Variants in LCA5 observed in about 807,000 individuals in gnomAD.
LCA5 encodes lebercilin LCA5.
A neutral mutation model predicts 53.0 loss-of-function variants in LCA5; 37 were observed. The ratio of observed to expected loss-of-function variants is 0.70; its 90% confidence interval spans 0.54 to 0.92. The LOEUF is 0.92. Ranked by LOEUF, LCA5 falls within the 40% of genes least tolerant of loss-of-function variation. The probability of loss-of-function intolerance (pLI) is 0.00; values close to 1 mark genes in which losing one functional copy is unlikely to be tolerated. For missense variants in LCA5, 806 were observed against 790.5 expected (o/e 1.02, Z -0.23); for synonymous variants, 303 against 282.9 (o/e 1.07, Z -0.71).
At chr6:79,534,186 G>C (rs920734516) in intron 1 of LCA5, among the ~76,000 whole-genome samples, 6 of 151,018 alleles carry the variant, frequency 4.0e-5, no homozygotes, top group African/African-American at 1.5e-4. Context: ...ACATAATCTT[G>C]CTTAAAAATC....
At chr6:79,501,674 T>C (rs1770142975) in intron 3 of LCA5, among the ~76,000 whole-genome samples, 1 of 150,856 alleles carries the variant, frequency 6.6e-6, no homozygotes, top group African/African-American at 2.4e-5. Flanking sequence ...ATATACTATA[T>C]TGTATATAGT....
chr6:79,502,153 TCTC>T (rs1189928897), intron 3 of LCA5, among the ~76,000 whole-genome samples: 4 of 152,114 alleles, frequency 2.6e-5, no homozygotes, highest in East Asian at 1.9e-4. Context: ...CTTTCTCACT[TCTC>T]CTAGTCTTCC....
chr6:79,490,463 T>C (rs951381123), intron 6 of LCA5, among the ~76,000 whole-genome samples: 2 of 152,156 alleles, frequency 1.3e-5, no homozygotes, highest in African/African-American at 2.4e-5. Flanking sequence ...TATACTCTTA[T>C]ACTCTTTTCA....
rs539465127 is a variant in LCA5, at chr6:79,521,411, T to C, written c.-191-2326A>G. ...TTGACTTTATATTCCTAGTGAGACA[T>C]AATGACCAAAAAAAATTTTTAAAGC... On this transcript the variant is annotated intron_variant, in intron 1 of 7. Transcript: ENST00000369846. Among the ~76,000 whole-genome samples the C allele has an allele frequency of 3.9e-5, 6 of 152,292 alleles. No individual in the cohort carries two copies. In the East Asian group the frequency reaches 5.8e-4, roughly 15 times the overall value.
Position 79,518,988 on chromosome 6 carries a change from A to G in LCA5, c.-94T>C. On this transcript the variant is annotated 5_prime_UTR_variant, in exon 2 of 8. The change abolishes the stop of an existing upstream ORF in the 5' untranslated region. Coordinates refer to ENST00000369846, the MANE Select transcript of LCA5 (RefSeq NM_001122769.3). The stretch of plus-strand genomic sequence containing the variant: ...ACTGAAAAACATTTTCACAGTCTTC[A>G]GATCCTGATAATATTCATTTCTGTG... 1 of 1,128,232 alleles carries G rather than the reference A, an allele frequency of 8.9e-7. No homozygotes were observed. The highest frequency in any genetic ancestry group is 1.3e-6 in the Non-Finnish European group (1 of 741,056). The allele number at this position is 1,128,232 out of a possible 1,614,324, so 69.9% of individuals were successfully genotyped here.
intron 1 of LCA5, among the ~76,000 whole-genome samples, chr6:79,522,248 G>A (rs1766646341): frequency 6.6e-6 from 1 of 152,026 alleles, no homozygotes; most frequent in African/African-American, 2.4e-5. Flanking sequence ...GACAGAATTA[G>A]ACGAGTGACA....
chr6:79,533,702 A>G (rs1316840687), intron 1 of LCA5, among the ~76,000 whole-genome samples: 1 of 151,904 alleles, frequency 6.6e-6, no homozygotes, highest in Non-Finnish European at 1.5e-5. Flanking sequence ...CTGATTACAA[A>G]TGAATCAGAA....
At chr6:79,526,800 T>G (rs1015081575) in intron 1 of LCA5, among the ~76,000 whole-genome samples, 1 of 152,160 alleles carries the variant, frequency 6.6e-6, no homozygotes, top group African/African-American at 2.4e-5. Context: ...TGTCTCCCAA[T>G]AGCACTCCTT....
At chr6:79,530,915 G>A (rs1766940186) in intron 1 of LCA5, among the ~76,000 whole-genome samples, 1 of 152,090 alleles carries the variant, frequency 6.6e-6, no homozygotes, top group South Asian at 2.1e-4. Context: ...TGAGGTAAAG[G>A]AAGTAATTAT....
intron 1 of LCA5, among the ~76,000 whole-genome samples, chr6:79,522,733 C>A (rs1766658513): frequency 6.6e-6 from 1 of 152,120 alleles, no homozygotes; most frequent in South Asian, 2.1e-4. Context: ...GTTGCCTAGA[C>A]TGGAGTGCAG....
intron 3 of LCA5, among the ~76,000 whole-genome samples, chr6:79,498,085 A>G (rs1482793855): frequency 6.6e-6 from 1 of 152,116 alleles, no homozygotes; most frequent in Admixed American, 6.6e-5. Flanking sequence ...ATGGTTCTAT[A>G]AAGGGCATAA....
Position 79,487,435 on chromosome 6 carries a change from T to C in LCA5, c.1663A>G (p.Ser555Gly). ...GTTTTTGCAAACGAAGGCACGTAGC[T>C]ACCAAATGCGAACTCATTAGGGGAG... ...PASPNEFAFG[S>G]YVPSFAKTSE... Residue 555 changes from serine to glycine, a missense_variant, in exon 8 of 8, where the codon AGC (serine) becomes GGC (glycine). By Grantham distance (56) the Ser-to-Gly change is moderately conservative. Coordinates refer to ENST00000369846, the MANE Select transcript of LCA5 (RefSeq NM_001122769.3). 1 of 1,613,678 alleles carries C rather than the reference T, an allele frequency of 6.2e-7. No individual in the cohort carries two copies. The highest frequency in any genetic ancestry group is 8.5e-7 in the Non-Finnish European group (1 of 1,179,780).
chr6:79,531,954 T>C (rs1009566804), intron 1 of LCA5, among the ~76,000 whole-genome samples: 13 of 152,186 alleles, frequency 8.5e-5, no homozygotes, highest in Non-Finnish European at 1.5e-4. Flanking sequence ...CATTCATATA[T>C]TCACCTTCCT....
intron 3 of LCA5, among the ~76,000 whole-genome samples, chr6:79,494,494 G>A (rs1769927604): frequency 6.8e-6 from 1 of 147,818 alleles, no homozygotes; most frequent in African/African-American, 2.6e-5. Flanking sequence ...GCATCTTATA[G>A]ATAGATAGAT....
intron 1 of LCA5, among the ~76,000 whole-genome samples, chr6:79,526,846 GTC>G (rs1491154424): frequency 6.6e-6 from 1 of 152,078 alleles, no homozygotes; most frequent in Non-Finnish European, 1.5e-5. Context: ...ACTTGGGATT[GTC>G]CCCCTACAAG....
rs1218289591 is a variant in LCA5 at position 79,487,996 on chromosome 6, A to C, written c.1232-130T>G. On this transcript the variant is annotated intron_variant, in intron 7 of 7. Coordinates refer to ENST00000369846, the MANE Select transcript of LCA5 (RefSeq NM_001122769.3). ...TAAATCAAGTGAGAAAAGACATCAT[A>C]AATTTCATTTCTATACTTGATATTC... is the stretch of plus-strand genomic sequence containing the variant. 5.6e-6 allele frequency: 4 copies of C among 719,140 alleles called. No homozygotes were observed. In the East Asian group the frequency reaches 8.1e-5, roughly 15 times the overall value. The allele number at this position is 719,140 out of a possible 1,614,324, so 44.5% of individuals were successfully genotyped here.
At chr6:79,523,675 T>C (rs1371665477) in intron 1 of LCA5, among the ~76,000 whole-genome samples, 3 of 152,216 alleles carry the variant, frequency 2.0e-5, no homozygotes, top group African/African-American at 7.2e-5. Flanking sequence ...AAATTATTTC[T>C]GCTTACATTT....
intron 1 of LCA5, among the ~76,000 whole-genome samples, chr6:79,525,864 C>T (rs1389734720): frequency 2.0e-5 from 3 of 152,170 alleles, no homozygotes; most frequent in African/African-American, 7.2e-5. Context: ...TAACGGTGGA[C>T]AGTGTGGGAA....
intron 3 of LCA5, among the ~76,000 whole-genome samples, chr6:79,495,753 A>G (rs1035946662): frequency 2.2e-4 from 33 of 150,746 alleles, no homozygotes; most frequent in African/African-American, 8.0e-4. Context: ...TCCATCTCAA[A>G]AAAAAAAAAA....
Sources: allele counts gnomAD v4.1 joint callset (sites outside exome capture counted in the v4.1 genomes callset), GRCh38; gene constraint gnomAD v4.1.1; transcripts MANE v1.5; gene names NCBI Gene and HGNC (gene_info 2026-07-23, HGNC 2026-07-21).